ZNF277: variants seen among roughly 807,000 people sequenced by gnomAD.
ZNF277 encodes the protein nuclear receptor-interacting factor 4.
ZNF277 carries 55 observed loss-of-function variants against 60.7 expected under a neutral mutation model. That is an observed-to-expected ratio of 0.91 (90% CI 0.73 to 1.13). The LOEUF is 1.13. Among genes scored for constraint, ZNF277 ranks in the 50% most tolerant of loss-of-function variants. The pLI, the probability that ZNF277 is intolerant of heterozygous loss-of-function variation, is 0.00. For synonymous variants in ZNF277, 178 were observed against 179.3 expected, an observed-to-expected ratio of 0.99 and a Z score of 0.06; for missense variants, 510 against 523.0, an observed-to-expected ratio of 0.98 and a Z score of 0.24.
At chr7:112,309,947 T>C (rs1470828301) in intron 4 of ZNF277, among the ~76,000 whole-genome samples, 1 of 152,056 alleles carries the variant, frequency 6.6e-6, no homozygotes, top group East Asian at 1.9e-4. Flanking sequence ...GATTCCCAAA[T>C]ACAAAGCTGC....
chr7:112,258,755 A>G (rs1380942383), intron 1 of ZNF277, among the ~76,000 whole-genome samples: 1 of 152,154 alleles, frequency 6.6e-6, no homozygotes, highest in African/African-American at 2.4e-5. Context: ...CTTATTTAGC[A>G]TTTATATATA....
chr7:112,244,867 T>C (rs59678586), intron 1 of ZNF277, among the ~76,000 whole-genome samples: 2,178 of 152,276 alleles, frequency 0.014, 61 homozygotes, highest in African/African-American at 0.049. Flanking sequence ...AGCCTCATAA[T>C]ATACAGTTAT....
chr7:112,216,005 T>C (rs1821869631), intron 1 of ZNF277, among the ~76,000 whole-genome samples: 2 of 152,200 alleles, frequency 1.3e-5, no homozygotes, highest in Non-Finnish European at 2.9e-5. Context: ...AACTGTAACA[T>C]AACATCAATC....
chr7:112,252,818 C>T (rs928422496), intron 1 of ZNF277, among the ~76,000 whole-genome samples: 6 of 152,138 alleles, frequency 3.9e-5, no homozygotes, highest in Admixed American at 2.0e-4. Flanking sequence ...AAAAGATACT[C>T]AGCATTTCAG....
chr7:112,299,598 T>A (rs561984626), intron 4 of ZNF277, among the ~76,000 whole-genome samples: 10 of 152,370 alleles, frequency 6.6e-5, no homozygotes. Flanking sequence ...TTCCTTATGC[T>A]GCTACTAATT....
At chr7:112,304,586 G>A (rs1416823771) in intron 4 of ZNF277, among the ~76,000 whole-genome samples, 1 of 152,020 alleles carries the variant, frequency 6.6e-6, no homozygotes, top group Non-Finnish European at 1.5e-5. Flanking sequence ...TTAAGTTAGT[G>A]GAAATTTACT....
intron 7 of ZNF277, chr7:112,330,609 G>A (rs1355018532): frequency 5.8e-6 from 1 of 171,574 alleles, no homozygotes; most frequent in East Asian, 1.7e-4. Flanking sequence ...GTGTCGCCCA[G>A]GCTGGAGTGC....
At chr7:112,317,148 CAG>C (rs1279606779) in intron 4 of ZNF277, among the ~76,000 whole-genome samples, 1 of 151,922 alleles carries the variant, frequency 6.6e-6, no homozygotes, top group Non-Finnish European at 1.5e-5. Flanking sequence ...CAAGGCCTAT[CAG>C]GGGTTGAGGG....
At chr7:112,306,461 C>T (rs549991820) in intron 4 of ZNF277, among the ~76,000 whole-genome samples, 13 of 152,022 alleles carry the variant, frequency 8.6e-5, no homozygotes, top group African/African-American at 2.6e-4. Flanking sequence ...GTGATTGGCC[C>T]GCCTCGGCCT....
rs112186971 is a variant in ZNF277, at chr7:112,257,523, A to G, written c.92-29350A>G. ...AGAAATGAGGGAAGTGGAATAGAAA[A>G]TAAGATTAGATAATGTCTAAAAACA... On this transcript the variant is annotated intron_variant, in intron 1 of 11. Transcript: ENST00000361822. 7.2e-5 allele frequency among the ~76,000 whole-genome samples: 11 copies of G among 152,334 alleles called. 2 individuals are homozygous for G. The highest frequency in any genetic ancestry group is 2.6e-4 in the African/African-American group (11 of 41,590).
chr7:112,282,451 G>A (rs1176604003), intron 1 of ZNF277, among the ~76,000 whole-genome samples: 1 of 152,206 alleles, frequency 6.6e-6, no homozygotes, highest in Non-Finnish European at 1.5e-5. Flanking sequence ...AACAAAACCT[G>A]CTTTTCTACA....
intron 4 of ZNF277, among the ~76,000 whole-genome samples, chr7:112,300,173 C>A (rs190208163): frequency 6.6e-6 from 1 of 152,118 alleles, no homozygotes; most frequent in Non-Finnish European, 1.5e-5. Flanking sequence ...AGATTTTATG[C>A]TAGAATCATA....
Position 112,337,834 on chromosome 7 carries a change from A to G in ZNF277, c.966+8A>G. 6.2e-7 allele frequency: 1 copy of G among 1,604,724 alleles called. No homozygotes were observed. Among genetic ancestry groups the G allele is most frequent in the Non-Finnish European group, 8.5e-7 (1 of 1,175,798 alleles). On this transcript the variant is annotated splice_region_variant and intron_variant, in intron 9 of 11. Transcript: ENST00000361822. ...TTGTATGTCCACATGGAGGTAAGAT[A>G]CCTGTATTTATTTGAATTTTGTTTT... is the stretch of plus-strand genomic sequence containing the variant.
At chr7:112,278,669 G>A (rs910052065) in intron 1 of ZNF277, among the ~76,000 whole-genome samples, 1 of 152,036 alleles carries the variant, frequency 6.6e-6, no homozygotes, top group Non-Finnish European at 1.5e-5. Context: ...GGTCAGGGTT[G>A]GTTAATGGGA....
At chr7:112,255,075 A>G (rs1791279130) in intron 1 of ZNF277, among the ~76,000 whole-genome samples, 1 of 152,134 alleles carries the variant, frequency 6.6e-6, no homozygotes, top group South Asian at 2.1e-4. Flanking sequence ...GTTTTTTTCT[A>G]TTTTTGTTTC....
At chr7:112,228,116 T>G (rs1451772551) in intron 1 of ZNF277, among the ~76,000 whole-genome samples, 1 of 152,094 alleles carries the variant, frequency 6.6e-6, no homozygotes, top group Non-Finnish European at 1.5e-5. Flanking sequence ...TGGTCTTGGC[T>G]TCTGGCAGCG....
intron 1 of ZNF277, among the ~76,000 whole-genome samples, chr7:112,273,172 A>G (rs964161650): frequency 6.6e-6 from 1 of 152,054 alleles, no homozygotes; most frequent in Non-Finnish European, 1.5e-5. Context: ...GTGCCTTTCA[A>G]ATTTATTTGC....
intron 1 of ZNF277, among the ~76,000 whole-genome samples, chr7:112,270,236 G>T (rs553150471): frequency 6.6e-6 from 1 of 152,136 alleles, no homozygotes; most frequent in East Asian, 1.9e-4. Context: ...TAGGTCCTTG[G>T]GGGCACTTAC....
intron 1 of ZNF277, among the ~76,000 whole-genome samples, chr7:112,211,748 A>T (rs1213148915): frequency 6.6e-6 from 1 of 152,046 alleles, no homozygotes; most frequent in Non-Finnish European, 1.5e-5. Context: ...ATCTTCAGTC[A>T]CCCTGCTTCC....
Sources: allele counts gnomAD v4.1 joint callset (sites outside exome capture counted in the v4.1 genomes callset), GRCh38; gene constraint gnomAD v4.1.1; transcripts MANE v1.5; gene names NCBI Gene and HGNC (gene_info 2026-07-23, HGNC 2026-07-21).